CRACDL: variants seen among roughly 807,000 people sequenced by gnomAD.
CRACDL encodes the protein CRACD like.
CRACDL carries 26 observed loss-of-function variants against 70.6 expected under a neutral mutation model. The observed-to-expected ratio is 0.37, with a 90% CI of 0.27 to 0.51. The LOEUF (loss-of-function observed/expected upper bound fraction) is 0.51, where lower values mean the gene tolerates loss of function less well. CRACDL is among the 20% of genes least tolerant of loss of function. The pLI, the probability that CRACDL is intolerant of heterozygous loss-of-function variation, is 0.94. For synonymous variants in CRACDL, 618 were observed against 615.2 expected (o/e 1.00, Z -0.07); for missense variants, 1,283 against 1,376.9 (o/e 0.93, Z 1.08).
chr2:98,911,285 C>A (rs188608090), intron 1 of CRACDL, among the ~76,000 whole-genome samples: 9 of 152,320 alleles, frequency 5.9e-5, no homozygotes, highest in Non-Finnish European at 1.0e-4. Context: ...AGAACAGAGG[C>A]TACATCAGTG....
At chr2:98,816,277 G>GT (rs1004220241) in intron 7 of CRACDL, among the ~76,000 whole-genome samples, 1 of 152,152 alleles carries the variant, frequency 6.6e-6, no homozygotes, top group East Asian at 1.9e-4. Context: ...GTTTTATGAC[G>GT]TATCAGTGGG....
At chr2:98,840,040 C>T (rs1368522712) in intron 2 of CRACDL, among the ~76,000 whole-genome samples, 1 of 151,988 alleles carries the variant, frequency 6.6e-6, no homozygotes, top group Non-Finnish European at 1.5e-5. Context: ...TCTTTCCTTC[C>T]TACTTTCTGC....
At chr2:98,918,586 T>A (rs897642760) in intron 1 of CRACDL, among the ~76,000 whole-genome samples, 3 of 116,634 alleles carry the variant, frequency 2.6e-5, no homozygotes, top group Non-Finnish European at 5.1e-5. Context: ...TTTCTCCTCA[T>A]CCATGCCAAC....
intron 1 of CRACDL, among the ~76,000 whole-genome samples, chr2:98,861,561 C>A (rs755324526): frequency 6.6e-6 from 1 of 152,108 alleles, no homozygotes; most frequent in Non-Finnish European, 1.5e-5. Flanking sequence ...TTCAGCCCAG[C>A]AATTACATTC....
At chr2:98,887,747 T>C (rs1249272521) in intron 1 of CRACDL, among the ~76,000 whole-genome samples, 1 of 152,066 alleles carries the variant, frequency 6.6e-6, no homozygotes, top group Non-Finnish European at 1.5e-5. Context: ...AGAGAGAATC[T>C]GGAAAGCTGC....
Position 98,823,015 on chromosome 2 carries a change from C to G in CRACDL, c.1258G>C (p.Ala420Pro). 1.3e-6 allele frequency: 2 copies of G among 1,515,244 alleles called. No homozygotes were observed. The highest frequency in any genetic ancestry group is 1.8e-6 in the Non-Finnish European group (2 of 1,131,808). The allele number at this position is 1,515,244 out of a possible 1,614,324, so 93.9% of individuals were successfully genotyped here. ...DTTPPETDPAATSEAPSARDG... is the reference protein window; with the variant it reads ...DTTPPETDPAPTSEAPSARDG... Reference sequence around the variant, plus strand: ...CGAGCAGAGGGCGCCTCTGAGGTGGCGGCGGGGTCAGTCTCGGGGGGAGTC... The same window carrying G: ...CGAGCAGAGGGCGCCTCTGAGGTGGGGGCGGGGTCAGTCTCGGGGGGAGTC... The change falls in exon 7 of 10, where the codon GCC becomes CCC. Residue 420 changes from alanine to proline, a missense_variant. By Grantham distance (27) the Ala-to-Pro change is conservative. Coordinates refer to ENST00000397899, the MANE Select transcript of CRACDL (RefSeq NM_207362.3). This position sits in a 1 kb window ranked among gnomAD's most constrained non-coding sequence, Gnocchi z 4.0.
intron 5 of CRACDL, among the ~76,000 whole-genome samples, 153 bp downstream of exon 5, chr2:98,832,195 C>T (rs1705570047): frequency 6.6e-6 from 1 of 152,202 alleles, no homozygotes; most frequent in South Asian, 2.1e-4. Context: ...AAAATAAACA[C>T]AGCTCAAGGG....
At chr2:98,904,427 G>C (rs934186140) in intron 1 of CRACDL, among the ~76,000 whole-genome samples, 4 of 152,210 alleles carry the variant, frequency 2.6e-5, no homozygotes, top group Non-Finnish European at 5.9e-5. Context: ...CTGGATCCTT[G>C]TCCCTGATGA....
intron 1 of CRACDL, among the ~76,000 whole-genome samples, chr2:98,917,206 C>T (rs571565117): frequency 3.3e-5 from 5 of 152,342 alleles, no homozygotes; most frequent in East Asian, 3.9e-4. Flanking sequence ...CTCCGGCAGA[C>T]GAATGACTCA....
intron 1 of CRACDL, among the ~76,000 whole-genome samples, chr2:98,863,336 T>C (rs556358530): frequency 5.3e-5 from 8 of 152,100 alleles, no homozygotes; most frequent in Non-Finnish European, 1.0e-4. Context: ...ATTAAGACAT[T>C]CCCAAATAAA....
chr2:98,804,458 G>T (rs1018629869), intron 7 of CRACDL, among the ~76,000 whole-genome samples: 2 of 152,214 alleles, frequency 1.3e-5, no homozygotes, highest in East Asian at 3.8e-4. Context: ...AAACATTTGA[G>T]TTTCCCAATG....
At chr2:98,887,141 T>C (rs1001450598) in intron 1 of CRACDL, among the ~76,000 whole-genome samples, 2 of 152,142 alleles carry the variant, frequency 1.3e-5, no homozygotes, top group Non-Finnish European at 2.9e-5. Flanking sequence ...TTCAGTGAAC[T>C]TGAAGACAGG....
At chr2:98,869,142 GCT>G in intron 1 of CRACDL, 1 of 1,304,362 alleles carries the variant, frequency 7.7e-7, no homozygotes, top group Non-Finnish European at 1.0e-6. Flanking sequence ...TGAGCCTCCA[GCT>G]CTCTCATCCT....
At chr2:98,867,531 CA>C in intron 1 of CRACDL, among the ~76,000 whole-genome samples, 1 of 151,264 alleles carries the variant, frequency 6.6e-6, no homozygotes, top group East Asian at 1.9e-4. Flanking sequence ...ATTTTCAGGT[CA>C]TTAGACTAAA....
intron 1 of CRACDL, among the ~76,000 whole-genome samples, chr2:98,863,197 A>G (rs776767668): frequency 2.0e-5 from 3 of 152,218 alleles, no homozygotes; most frequent in Non-Finnish European, 4.4e-5. Context: ...TAAGATTATC[A>G]GTAGATTTTT....
intron 7 of CRACDL, among the ~76,000 whole-genome samples, chr2:98,809,974 G>A (rs74651650): frequency 1.3e-5 from 2 of 151,036 alleles, no homozygotes; most frequent in East Asian, 3.9e-4. Context: ...CCCCTAAGAG[G>A]TGCTCCTCAG....
In CRACDL at chr2:98,927,474, A is replaced by G. The variant is rs571348697; in HGVS notation, c.-11+8464T>C. Among the ~76,000 whole-genome samples, 284 of 152,128 alleles carry G rather than the reference A, an allele frequency of 1.9e-3. 1 individual carries two copies. The highest frequency in any genetic ancestry group is 3.3e-3 in the Non-Finnish European group (225 of 68,014). ...AGATGCTGCCAACCAAGATTCAGGAAATCTTGGTAAAGACTCATCTCTTGG... is the reference window on the plus strand; with the variant it reads ...AGATGCTGCCAACCAAGATTCAGGAGATCTTGGTAAAGACTCATCTCTTGG... On this transcript the variant is annotated intron_variant, in intron 1 of 9. Transcript: ENST00000397899.
intron 7 of CRACDL, among the ~76,000 whole-genome samples, chr2:98,801,104 T>A (rs1704056855): frequency 1.3e-5 from 2 of 152,166 alleles, no homozygotes; most frequent in Admixed American, 1.3e-4. Flanking sequence ...TCCTTTTTGG[T>A]TCCTGCCTCT....
chr2:98,798,778 G>A (rs1056137546), intron 7 of CRACDL, among the ~76,000 whole-genome samples: 6 of 151,192 alleles, frequency 4.0e-5, no homozygotes, highest in Admixed American at 6.6e-5. Context: ...TGCACCCTCC[G>A]CCTACCAGGC....
Sources: gnomAD v4.1 joint callset for allele counts (sites outside exome capture counted in the v4.1 genomes callset) on GRCh38, gnomAD v4.1.1 for gene constraint, Gnocchi (gnomAD v3.1) non-coding constraint, MANE v1.5 for transcripts, NCBI Gene and HGNC (gene_info 2026-07-23, HGNC 2026-07-21) for gene names.